Variants in ASB13 observed in about 807,000 individuals in gnomAD.
The protein encoded by ASB13 is ankyrin repeat and SOCS box protein 13.
ASB13 carries 33 observed loss-of-function variants against 28.8 expected under a neutral mutation model. The observed-to-expected ratio is 1.15, with a 90% CI of 0.87 to 1.53. ASB13 has a LOEUF of 1.53. Ranked by LOEUF, ASB13 falls within the 40% of genes most tolerant of loss-of-function variation. ASB13 has a pLI of 0.00. For synonymous variants in ASB13, 182 were observed against 172.9 expected (o/e 1.05, Z -0.41); for missense variants, 414 against 390.1 (o/e 1.06, Z -0.52).
chr10:5,664,642 G>A lies in ASB13; in HGVS notation c.43+1867C>T, dbSNP rs967117321. On this transcript the variant is annotated intron_variant, in intron 1 of 5. Transcript: ENST00000357700. The surrounding 1 kb of genome is among the most constrained non-coding windows in gnomAD (Gnocchi z 4.2). Reference sequence around the variant, plus strand: ...AGAGGTTCATCTACCACAGAAGGACGTCCATAGGGAATGCAGAATTTCTTT... The same window carrying A: ...AGAGGTTCATCTACCACAGAAGGACATCCATAGGGAATGCAGAATTTCTTT... Among the ~76,000 whole-genome samples the A allele has an allele frequency of 2.0e-5, 3 of 152,158 alleles. No individual in the cohort carries two copies. The highest frequency in any genetic ancestry group is 2.9e-5 in the Non-Finnish European group (2 of 68,040).
At position 5,646,508 on chromosome 10, in the gene ASB13, G is replaced by A. The variant is rs1238514004; in HGVS notation, c.517+2462C>T. Among the ~76,000 whole-genome samples the A allele has an allele frequency of 4.6e-5, 7 of 152,158 alleles. No individual in the cohort carries two copies. In the South Asian group the frequency reaches 6.2e-4, roughly 13 times the overall value. On this transcript the variant is annotated intron_variant, in intron 4 of 5. Coordinates refer to ENST00000357700, the MANE Select transcript of ASB13 (RefSeq NM_024701.4). ...CCCCGTGACCTTGCTCAGGGAGGCC[G>A]GAGGCTTAGGATGAAGCCAATACTG...
rs878913857 is a variant in ASB13, at chr10:5,648,843, T to C, written c.517+127A>G. On this transcript the variant is annotated intron_variant, in intron 4 of 5. Coordinates refer to ENST00000357700, the MANE Select transcript of ASB13 (RefSeq NM_024701.4). Reference sequence around the variant, plus strand: ...CCACGCGGGCAAACATCCACTCCGGTAAACACCCACTCGGGTAAACACCCA... The same window carrying C: ...CCACGCGGGCAAACATCCACTCCGGCAAACACCCACTCGGGTAAACACCCA... 9 of 1,462,452 alleles carry C rather than the reference T, an allele frequency of 6.2e-6. 1 individual carries two copies. In the South Asian group the frequency reaches 6.5e-5, roughly 11 times the overall value. The allele number at this position is 1,462,452 out of a possible 1,614,324, so 90.6% of individuals were successfully genotyped here.
At chr10:5,654,469 G>A (rs998544205) in intron 1 of ASB13, among the ~76,000 whole-genome samples, 3 of 152,138 alleles carry the variant, frequency 2.0e-5, no homozygotes, top group Admixed American at 6.5e-5. Flanking sequence ...GACAATGGCC[G>A]GGCTTAGTCA....
In ASB13 at chr10:5,658,391, A is replaced by G. The variant is rs1835104011; in HGVS notation, c.44-5341T>C. On this transcript the variant is annotated intron_variant, in intron 1 of 5. Coordinates refer to ENST00000357700, the MANE Select transcript of ASB13 (RefSeq NM_024701.4). The surrounding 1 kb of genome is among the most constrained non-coding windows in gnomAD (Gnocchi z 4.2). ...GGTTGCAGTGAGCCAAAATCGTGCC[A>G]TTGCACTACGGCCTGGGTGACTTTG... 6.6e-6 allele frequency among the ~76,000 whole-genome samples: 1 copy of G among 151,210 alleles called. No homozygotes were observed. The highest frequency in any genetic ancestry group is 2.4e-5 in the African/African-American group (1 of 41,136).
At chr10:5,647,320 TAAAATTTTCCCTCAAC>T (rs1257939760) in intron 4 of ASB13, among the ~76,000 whole-genome samples, 1 of 152,226 alleles carries the variant, frequency 6.6e-6, no homozygotes, top group African/African-American at 2.4e-5. Flanking sequence ...ATGATGAAAC[TAAAATTTTCCCTCAAC>T]AAAACATTTA....
At chr10:5,666,311 C>T (rs1421322082) in intron 1 of ASB13, among the ~76,000 whole-genome samples, 198 bp downstream of exon 1, 1 of 152,172 alleles carries the variant, frequency 6.6e-6, no homozygotes, top group Non-Finnish European at 1.5e-5. Flanking sequence ...GACAAGGCAC[C>T]AGACATGAGA....
At chr10:5,646,553 G>A (rs140359890) in intron 4 of ASB13, among the ~76,000 whole-genome samples, 223 of 152,304 alleles carry the variant, frequency 1.5e-3, no homozygotes, top group African/African-American at 1.9e-3. Context: ...GAATCGCAAC[G>A]TTCAAAGAAA....
intron 4 of ASB13, among the ~76,000 whole-genome samples, chr10:5,647,430 T>G (rs1016116155): frequency 5.3e-5 from 8 of 152,248 alleles, no homozygotes; most frequent in African/African-American, 1.9e-4. Flanking sequence ...AATCCTCGAT[T>G]GGTTGGTCTT....
In ASB13 at chr10:5,659,893, C is replaced by T. The variant is rs1404557230; in HGVS notation, c.43+6616G>A. Among the ~76,000 whole-genome samples the T allele has an allele frequency of 6.6e-6, 1 of 152,246 alleles. No homozygotes were observed. The highest frequency in any genetic ancestry group is 2.4e-5 in the African/African-American group (1 of 41,466). On this transcript the variant is annotated intron_variant, in intron 1 of 5. Coordinates refer to ENST00000357700, the MANE Select transcript of ASB13 (RefSeq NM_024701.4). The surrounding 1 kb of genome is among the most constrained non-coding windows in gnomAD (Gnocchi z 5.8). ...CCGCTAGGTTCTGTCCCCTGCTCCA[C>T]TTTCCAGCCCAGGACAGTGGCCTGA... is the stretch of plus-strand genomic sequence containing the variant.
At position 5,651,536 on chromosome 10, in the gene ASB13, G is replaced by A. The variant is rs557208731; in HGVS notation, c.232-173C>T. Reference sequence around the variant, plus strand: ...AGATAGCACGTGGCTGCGGAGCACCGACGGCCTCCTGAGTAGAGAAGTCAT... The same window carrying A: ...AGATAGCACGTGGCTGCGGAGCACCAACGGCCTCCTGAGTAGAGAAGTCAT... On this transcript the variant is annotated intron_variant, in intron 2 of 5. Transcript: ENST00000357700. This position sits in a 1 kb window ranked among gnomAD's most constrained non-coding sequence, Gnocchi z 5.1. 1.3e-5 allele frequency: 9 copies of A among 667,646 alleles called. 1 individual carries two copies. Among genetic ancestry groups the A allele is most frequent in the African/African-American group, 7.3e-5 (4 of 54,646 alleles). 41.4% of individuals were successfully genotyped at this position (667,646 alleles called of 1,614,324 possible). A position where few individuals can be genotyped will look rare whatever the true frequency, so the allele number is the denominator to read the frequency against.
In ASB13 at chr10:5,663,117, T is replaced by C. The variant is rs995903307; in HGVS notation, c.43+3392A>G. ...AACAGCAGACTGATTTTAAGATGTG[T>C]TCAATGAAGCAAAAATGCCAGTATT... On this transcript the variant is annotated intron_variant, in intron 1 of 5. Transcript: ENST00000357700. The surrounding 1 kb of genome is among the most constrained non-coding windows in gnomAD (Gnocchi z 4.9). Among the ~76,000 whole-genome samples the C allele has an allele frequency of 3.9e-5, 6 of 152,176 alleles. No homozygotes were observed. In the South Asian group the frequency reaches 1.0e-3, roughly 26 times the overall value.
intron 4 of ASB13, among the ~76,000 whole-genome samples, chr10:5,646,122 C>T (rs10905791): frequency 0.44 from 66,791 of 151,954 alleles, 16,828 homozygotes; most frequent in Non-Finnish European, 0.59. Context: ...CTCTAACTCC[C>T]CAGGGGCATG....
intron 4 of ASB13, among the ~76,000 whole-genome samples, 162 bp downstream of exon 4, chr10:5,648,808 C>A (rs1226463700): frequency 2.5e-5 from 3 of 119,308 alleles, no homozygotes; most frequent in African/African-American, 9.6e-5. Context: ...ACACCCACTC[C>A]GGTAAACACC....
In ASB13 at chr10:5,649,807, G is replaced by T. The variant is rs1209466266; in HGVS notation, c.383-703C>A. On this transcript the variant is annotated intron_variant, in intron 3 of 5. Coordinates refer to ENST00000357700, the MANE Select transcript of ASB13 (RefSeq NM_024701.4). The surrounding 1 kb of genome is among the most constrained non-coding windows in gnomAD (Gnocchi z 6.4). ...TCCCAAAGTGCTGGGATTACCAAGG[G>T]CATGAGCCACAGCGCCCGGCCTCTC... Among the ~76,000 whole-genome samples the T allele has an allele frequency of 6.6e-6, 1 of 151,956 alleles. No homozygotes were observed. Among genetic ancestry groups the T allele is most frequent in the African/African-American group, 2.4e-5 (1 of 41,376 alleles).
rs10430796 is a variant in ASB13, at chr10:5,653,973, C to T, written c.44-923G>A. Reference sequence around the variant, plus strand: ...CTGGGATTACAGGTGTGAGCCACCACGCCCAGCTCTTTTATTTCTTTTCCT... The same window carrying T: ...CTGGGATTACAGGTGTGAGCCACCATGCCCAGCTCTTTTATTTCTTTTCCT... On this transcript the variant is annotated intron_variant, in intron 1 of 5. Coordinates refer to ENST00000357700, the MANE Select transcript of ASB13 (RefSeq NM_024701.4). 0.038 allele frequency among the ~76,000 whole-genome samples: 5,712 copies of T among 152,090 alleles called. 653 individuals carry two copies. In the East Asian group the frequency reaches 0.46, roughly 12 times the overall value.
chr10:5,648,998 C>T lies in ASB13; in HGVS notation c.489G>A (p.Leu163=). Residue 163 remains leucine (L), a synonymous_variant, in exon 4 of 6, where the codon CTG becomes CTA. Coordinates refer to ENST00000357700, the MANE Select transcript of ASB13 (RefSeq NM_024701.4). ...CATTGAGCAGCACTTTGACACAGTCCAGATGCTCCCGGGCACAGGCAACGT... is the reference window on the plus strand; with the variant it reads ...CATTGAGCAGCACTTTGACACAGTCTAGATGCTCCCGGGCACAGGCAACGT... ...PLHVACAREH[L]DCVKVLLNAG... 3 of 1,614,204 alleles carry T rather than the reference C, an allele frequency of 1.9e-6. No individual in the cohort carries two copies. Among genetic ancestry groups the T allele is most frequent in the Non-Finnish European group, 2.5e-6 (3 of 1,180,040 alleles).
chr10:5,654,813 T>C (rs1226123901), intron 1 of ASB13, among the ~76,000 whole-genome samples: 1 of 152,196 alleles, frequency 6.6e-6, no homozygotes, highest in African/African-American at 2.4e-5. Flanking sequence ...ACAGTGCATC[T>C]GGGCTAGGTG....
chr10:5,648,913 C>A, intron 4 of ASB13, 57 bp downstream of exon 4: 1 of 1,600,688 alleles, frequency 6.2e-7, no homozygotes, highest in South Asian at 1.1e-5. Context: ...CAGGTAAACA[C>A]CCGCTCGGGC....
In ASB13 at chr10:5,639,605, G is replaced by C. The variant is rs1278689443; in HGVS notation, c.*1098C>G. 1 of 150,668 alleles carries C rather than the reference G, an allele frequency of 6.6e-6. No homozygotes were observed. Among genetic ancestry groups the C allele is most frequent in the Non-Finnish European group, 1.5e-5 (1 of 67,608 alleles). The allele number at this position is 150,668 out of a possible 1,614,324, so 9.3% of individuals were successfully genotyped here. A position where few individuals can be genotyped will look rare whatever the true frequency, so the allele number is the denominator to read the frequency against. ...TGCTCCACCTATGGCTTATAATGCA[G>C]AACGACCTGTTTCTATCACTGCAGG... On this transcript the variant is annotated 3_prime_UTR_variant, in exon 6 of 6. Coordinates refer to ENST00000357700, the MANE Select transcript of ASB13 (RefSeq NM_024701.4).
Sources: allele counts gnomAD v4.1 joint callset (sites outside exome capture counted in the v4.1 genomes callset), GRCh38; gene constraint gnomAD v4.1.1; non-coding constraint Gnocchi (gnomAD v3.1); transcripts MANE v1.5; gene names NCBI Gene and HGNC (gene_info 2026-07-23, HGNC 2026-07-21).